PCNX2: variants seen among roughly 807,000 people sequenced by gnomAD.
PCNX2 encodes the protein pecanex-like protein 2.
Under a neutral mutation model 223.8 loss-of-function variants are expected in PCNX2, and 168 were observed. The ratio of observed to expected loss-of-function variants is 0.75; its 90% confidence interval spans 0.66 to 0.85. PCNX2 has a LOEUF of 0.85. Ranked by LOEUF, PCNX2 falls within the 40% of genes least tolerant of loss-of-function variation. PCNX2 has a pLI of 0.00. For missense variants in PCNX2, 2,507 were observed against 2,675.5 expected, an observed-to-expected ratio of 0.94 and a Z score of 1.39; for synonymous variants, 1,006 against 1,052.6, an observed-to-expected ratio of 0.96 and a Z score of 0.86.
chr1:233,030,004 A>G (rs1671209918), intron 25 of PCNX2, among the ~76,000 whole-genome samples: 1 of 152,162 alleles, frequency 6.6e-6, no homozygotes, highest in Non-Finnish European at 1.5e-5. Flanking sequence ...AAAAATCTGG[A>G]TAATATGTCT....
chr1:233,133,008 C>T (rs1676595624), intron 21 of PCNX2, among the ~76,000 whole-genome samples: 1 of 151,782 alleles, frequency 6.6e-6, no homozygotes, highest in African/African-American at 2.4e-5. Flanking sequence ...GAGCAATTCC[C>T]CTGCCTCAGC....
Position 233,241,396 on chromosome 1 carries a change from C to T in PCNX2, c.2223-4416G>A, listed in dbSNP as rs1475424412. Reference sequence around the variant, plus strand: ...TCTAGAATCAACCTCACAAACCTTTCGTCCTTATGCCTCTATGCCTGGGTG... The same window carrying T: ...TCTAGAATCAACCTCACAAACCTTTTGTCCTTATGCCTCTATGCCTGGGTG... On this transcript the variant is annotated intron_variant, in intron 8 of 33. Transcript: ENST00000258229. 6.1e-6 allele frequency: 6 copies of T among 984,108 alleles called. No individual in the cohort carries two copies. In the African/African-American group the frequency reaches 7.0e-5, roughly 11 times the overall value. The allele number at this position is 984,108 out of a possible 1,614,324, so 61.0% of individuals were successfully genotyped here.
chr1:233,026,569 A>G (rs192289982), intron 25 of PCNX2, among the ~76,000 whole-genome samples: 78 of 152,326 alleles, frequency 5.1e-4, no homozygotes, highest in African/African-American at 1.8e-3. Context: ...ATGCAAGAGA[A>G]TGATGACTTG....
At chr1:233,187,372 T>G (rs1046900755) in intron 15 of PCNX2, among the ~76,000 whole-genome samples, 44 of 152,316 alleles carry the variant, frequency 2.9e-4, no homozygotes, top group African/African-American at 1.0e-3. Context: ...AAACTTTGGC[T>G]GGTGTCACTG....
intron 25 of PCNX2, among the ~76,000 whole-genome samples, chr1:233,036,511 T>C (rs572158235): frequency 4.6e-5 from 7 of 151,850 alleles, no homozygotes; most frequent in South Asian, 4.2e-4. Flanking sequence ...ACACCTGTAG[T>C]CCCAGCTATT....
chr1:233,169,644 C>CAAAAAAAAAAAA lies in PCNX2; in HGVS notation c.3273+8146_3273+8157dup, dbSNP rs200439765. On this transcript the variant is annotated intron_variant, in intron 17 of 33. Coordinates refer to ENST00000258229, the MANE Select transcript of PCNX2 (RefSeq NM_014801.4). ...TGGGCGACAGAGCGAAACTCCGTCTCAAAAAAAAAAAAAAAATGTGACACA... is the reference window on the plus strand; with the variant it reads ...TGGGCGACAGAGCGAAACTCCGTCTCAAAAAAAAAAAAAAAAAAAAAAAAAAAATGTGACACA... 6.9e-3 allele frequency among the ~76,000 whole-genome samples: 470 copies of CAAAAAAAAAAAA among 68,456 alleles called. 5 individuals carry two copies. The highest frequency in any genetic ancestry group is 0.012 in the Middle Eastern group (1 of 82). The allele number at this position is 68,456 out of a possible 152,430, so 44.9% of individuals were successfully genotyped here.
At chr1:233,100,417 CAAAAAAA>C (rs5781726) in intron 21 of PCNX2, among the ~76,000 whole-genome samples, 6 of 81,074 alleles carry the variant, frequency 7.4e-5, no homozygotes, top group East Asian at 3.5e-4. Flanking sequence ...GATTCTGTCT[CAAAAAAA>C]AAAAAAAAAA....
chr1:233,115,223 T>C (rs969449786), intron 21 of PCNX2, among the ~76,000 whole-genome samples: 2 of 151,118 alleles, frequency 1.3e-5, no homozygotes, highest in Admixed American at 6.6e-5. Context: ...TTTGTGAAGG[T>C]TACAGCCCGG....
intron 23 of PCNX2, among the ~76,000 whole-genome samples, chr1:233,077,052 G>A (rs1486575101): frequency 1.3e-5 from 2 of 152,248 alleles, no homozygotes; most frequent in Middle Eastern, 3.4e-3. Flanking sequence ...AGGGCTTTTG[G>A]TAGGAAATTA....
chr1:233,179,525 T>G (rs1434636789), intron 15 of PCNX2, among the ~76,000 whole-genome samples: 1 of 152,216 alleles, frequency 6.6e-6, no homozygotes, highest in East Asian at 1.9e-4. Context: ...ATTGTATTTC[T>G]CAATGTTTAT....
intron 19 of PCNX2, among the ~76,000 whole-genome samples, chr1:233,158,738 A>G (rs1030458831): frequency 4.6e-5 from 7 of 152,346 alleles, no homozygotes; most frequent in Admixed American, 2.6e-4. Flanking sequence ...ATCTTCATCA[A>G]CTAACTTAAC....
intron 25 of PCNX2, among the ~76,000 whole-genome samples, chr1:233,045,816 T>C (rs935161784): frequency 6.6e-6 from 1 of 152,240 alleles, no homozygotes; most frequent in African/African-American, 2.4e-5. Flanking sequence ...TCCAGGCTCA[T>C]GGTATCAATG....
At chr1:233,060,959 C>A (rs1384318033) in intron 23 of PCNX2, among the ~76,000 whole-genome samples, 4 of 152,180 alleles carry the variant, frequency 2.6e-5, no homozygotes, top group Non-Finnish European at 4.4e-5. Context: ...GGCCTTTCCA[C>A]CCCATGGCCA....
chr1:233,057,192 A>G, intron 24 of PCNX2, 40 bp downstream of exon 24: 2 of 1,491,350 alleles, frequency 1.3e-6, no homozygotes, highest in Non-Finnish European at 1.9e-6. Flanking sequence ...CCATCCATAC[A>G]ACAATAAATA....
intron 10 of PCNX2, among the ~76,000 whole-genome samples, chr1:233,220,113 C>G (rs1657277144): frequency 6.6e-6 from 1 of 152,154 alleles, no homozygotes; most frequent in African/African-American, 2.4e-5. Flanking sequence ...TGGCTTGGTG[C>G]CTCACTTCTT....
chr1:233,199,795 TACACACACAC>T (rs60556502), intron 14 of PCNX2, among the ~76,000 whole-genome samples: 2 of 147,868 alleles, frequency 1.4e-5, no homozygotes, highest in Non-Finnish European at 3.0e-5. Flanking sequence ...TGTGCTCAAA[TACACACACAC>T]ACACACACAC....
chr1:233,169,561 C>T (rs1679022492), intron 17 of PCNX2, among the ~76,000 whole-genome samples: 1 of 148,366 alleles, frequency 6.7e-6, no homozygotes, highest in Admixed American at 6.9e-5. Context: ...AGGAGAATGG[C>T]GTGAACCCGG....
intron 23 of PCNX2, chr1:233,058,124 A>T (rs1672258263): frequency 3.4e-6 from 3 of 891,000 alleles, no homozygotes; most frequent in Non-Finnish European, 4.0e-6. Flanking sequence ...CCATCATGTA[A>T]ACACCCCTCA....
At chr1:233,211,071 C>G (rs552805615) in intron 12 of PCNX2, among the ~76,000 whole-genome samples, 1 of 152,294 alleles carries the variant, frequency 6.6e-6, no homozygotes, top group South Asian at 2.1e-4. Flanking sequence ...GAATGGTCAG[C>G]TGCTTCGAAT....
Sources: allele counts gnomAD v4.1 joint callset (sites outside exome capture counted in the v4.1 genomes callset), GRCh38; gene constraint gnomAD v4.1.1; transcripts MANE v1.5; gene names NCBI Gene and HGNC (gene_info 2026-07-23, HGNC 2026-07-21).